Variants in CCDC171 observed in about 807,000 individuals in gnomAD.
CCDC171 encodes the protein coiled-coil domain containing 171.
In CCDC171, 177 loss-of-function variants were observed where a neutral mutation model predicts 168.2. The observed-to-expected ratio is 1.05, with a 90% CI of 0.93 to 1.19. The LOEUF (loss-of-function observed/expected upper bound fraction) is 1.19. Ranked by LOEUF, CCDC171 falls within the 50% of genes most tolerant of loss-of-function variation. The pLI, the probability that CCDC171 is intolerant of heterozygous loss-of-function variation, is 0.00. For missense variants in CCDC171, 1,991 were observed against 1,539.0 expected (o/e 1.29, Z -4.91); for synonymous variants, 687 against 540.8 (o/e 1.27, Z -3.75).
rs572740941 is a variant in CCDC171, at chr9:15,794,403, T to G, written c.3267+9709T>G. On this transcript the variant is annotated intron_variant, in intron 21 of 25. Coordinates refer to ENST00000380701, the MANE Select transcript of CCDC171 (RefSeq NM_173550.4). ...TCACTTGAACCCGGGAGGCAGAGGTTGTAGTGAGCCTAGATGGTGCCATTG... is the reference window on the plus strand; with the variant it reads ...TCACTTGAACCCGGGAGGCAGAGGTGGTAGTGAGCCTAGATGGTGCCATTG... Among the ~76,000 whole-genome samples the G allele has an allele frequency of 5.3e-5, 8 of 152,164 alleles. No homozygotes were observed. In the South Asian group the frequency reaches 1.7e-3, roughly 32 times the overall value.
chr9:15,863,704 T>A (rs1563895028), intron 23 of CCDC171, among the ~76,000 whole-genome samples: 1 of 152,112 alleles, frequency 6.6e-6, no homozygotes, highest in African/African-American at 2.4e-5. Flanking sequence ...ACTTATGTGG[T>A]AAGGTCAATG....
chr9:15,948,895 C>T (rs1193076453), intron 25 of CCDC171, among the ~76,000 whole-genome samples: 1 of 152,020 alleles, frequency 6.6e-6, no homozygotes, highest in Non-Finnish European at 1.5e-5. Flanking sequence ...GAAGTCCTTG[C>T]CCATGCCTAT....
intron 25 of CCDC171, among the ~76,000 whole-genome samples, chr9:15,944,077 C>T (rs1828024166): frequency 6.6e-6 from 1 of 151,922 alleles, no homozygotes; most frequent in Non-Finnish European, 1.5e-5. Context: ...TTATTTCTTT[C>T]TGCAGTTCTT....
intron 21 of CCDC171, among the ~76,000 whole-genome samples, chr9:15,813,374 A>G (rs1723727662): frequency 6.6e-6 from 1 of 152,210 alleles, no homozygotes; most frequent in African/African-American, 2.4e-5. Context: ...TGACAACTAA[A>G]CACCAGTCAG....
chr9:15,879,945 A>G (rs1400388410), intron 24 of CCDC171, among the ~76,000 whole-genome samples: 5 of 152,204 alleles, frequency 3.3e-5, no homozygotes, highest in South Asian at 2.1e-4. Flanking sequence ...CAAGACTTCT[A>G]TTAGCCCTTT....
chr9:15,624,423 C>T (rs1209830876), intron 7 of CCDC171, among the ~76,000 whole-genome samples: 4 of 152,106 alleles, frequency 2.6e-5, no homozygotes, highest in Non-Finnish European at 5.9e-5. Flanking sequence ...ATTAACTCAT[C>T]ATTTACATTA....
At chr9:15,580,097 C>G (rs1364069957) in intron 4 of CCDC171, among the ~76,000 whole-genome samples, 1 of 152,050 alleles carries the variant, frequency 6.6e-6, no homozygotes, top group East Asian at 1.9e-4. Flanking sequence ...TTTGACAAAG[C>G]AAACAAAAAC....
chr9:15,722,676 A>G (rs2053561078), intron 12 of CCDC171, among the ~76,000 whole-genome samples: 1 of 152,234 alleles, frequency 6.6e-6, no homozygotes, highest in Non-Finnish European at 1.5e-5. Flanking sequence ...TTCATATAAT[A>G]TAAATGCCAT....
chr9:15,929,810 A>G (rs1262913025), intron 25 of CCDC171, among the ~76,000 whole-genome samples: 1 of 151,772 alleles, frequency 6.6e-6, no homozygotes, highest in East Asian at 1.9e-4. Flanking sequence ...AAACTTTTAA[A>G]GATTTCTCAT....
intron 7 of CCDC171, among the ~76,000 whole-genome samples, chr9:15,632,558 G>A (rs1448899040): frequency 6.6e-6 from 1 of 152,082 alleles, no homozygotes; most frequent in African/African-American, 2.4e-5. Context: ...CATGCTCATG[G>A]GTAGGAAGAA....
At chr9:15,723,818 A>G (rs2053639572) in intron 13 of CCDC171, 72 bp downstream of exon 13, 2 of 686,560 alleles carry the variant, frequency 2.9e-6, no homozygotes, top group Non-Finnish European at 4.8e-6. Flanking sequence ...ATTTTAAAGT[A>G]GAGATATTGA....
At chr9:15,716,450 GGT>G (rs1378857909) in intron 11 of CCDC171, among the ~76,000 whole-genome samples, 1 of 151,962 alleles carries the variant, frequency 6.6e-6, no homozygotes. Flanking sequence ...CTCGGTTTAG[GGT>G]GACCCTTTTT....
chr9:15,894,989 G>A (rs570647190), intron 24 of CCDC171, among the ~76,000 whole-genome samples: 1 of 152,166 alleles, frequency 6.6e-6, no homozygotes, highest in South Asian at 2.1e-4. Flanking sequence ...AATGAACCAG[G>A]ATTTTCTCCC....
At chr9:15,987,882 G>T (rs1832046025) in intron 3 of CCDC171, among the ~76,000 whole-genome samples, 1 of 150,542 alleles carries the variant, frequency 6.6e-6, no homozygotes, top group South Asian at 2.1e-4. Flanking sequence ...GAAAGGAATT[G>T]TATACAAAAT....
intron 11 of CCDC171, among the ~76,000 whole-genome samples, chr9:15,716,367 A>G (rs1171337337): frequency 6.6e-6 from 1 of 151,994 alleles, no homozygotes; most frequent in African/African-American, 2.4e-5. Flanking sequence ...TAGCTTTTAT[A>G]GTTCATTGTT....
At chr9:15,727,749 C>G in intron 14 of CCDC171, 120 bp from the exon 15 acceptor site, 1 of 650,458 alleles carries the variant, frequency 1.5e-6, no homozygotes, top group Non-Finnish European at 2.3e-6. Flanking sequence ...TATTCTGAGA[C>G]TTGAGTATTG....
intron 1 of CCDC171, among the ~76,000 whole-genome samples, chr9:15,556,496 A>G (rs575170989): frequency 6.6e-6 from 1 of 152,122 alleles, no homozygotes; most frequent in Non-Finnish European, 1.5e-5. Flanking sequence ...GCCAGTGATG[A>G]TGAGTATTTT....
intron 16 of CCDC171, among the ~76,000 whole-genome samples, chr9:15,742,197 T>G (rs2054925024): frequency 6.6e-6 from 1 of 152,218 alleles, no homozygotes; most frequent in South Asian, 2.1e-4. Context: ...CTGCTAACCC[T>G]GGCTATCTTT....
chr9:15,878,728 A>C (rs1480032381), intron 24 of CCDC171, among the ~76,000 whole-genome samples: 3 of 151,316 alleles, frequency 2.0e-5, no homozygotes, highest in Non-Finnish European at 4.4e-5. Flanking sequence ...GACTCAACCT[A>C]AATGTCCATC....
Sources: allele counts gnomAD v4.1 joint callset (sites outside exome capture counted in the v4.1 genomes callset), GRCh38; gene constraint gnomAD v4.1.1; transcripts MANE v1.5; gene names NCBI Gene and HGNC (gene_info 2026-07-23, HGNC 2026-07-21).